The following KCNB2 variants were observed in gnomAD, a reference collection of about 807,000 sequenced individuals.
The protein encoded by KCNB2 is potassium voltage-gated channel subfamily B member 2, also known as delayed rectifier potassium channel protein.
Under a neutral mutation model 61.5 loss-of-function variants are expected in KCNB2, and 15 were observed. The observed-to-expected ratio is 0.24, with a 90% CI of 0.16 to 0.38. The LOEUF (loss-of-function observed/expected upper bound fraction) is 0.38, where lower values mean the gene tolerates loss of function less well. Ranked by LOEUF, KCNB2 falls within the 10% of genes least tolerant of loss-of-function variation. The pLI, the probability that KCNB2 is intolerant of heterozygous loss-of-function variation, is 1.00. For missense variants in KCNB2, 828 were observed against 1,125.2 expected, an observed-to-expected ratio of 0.74 and a Z score of 3.78; for synonymous variants, 457 against 446.0, an observed-to-expected ratio of 1.02 and a Z score of -0.31.
intron 2 of KCNB2, among the ~76,000 whole-genome samples, chr8:72,900,845 C>T (rs1293645772): frequency 1.3e-5 from 2 of 151,794 alleles, no homozygotes; most frequent in African/African-American, 4.8e-5. Flanking sequence ...AAATATTAAC[C>T]AATATTAGGA....
chr8:72,577,912 A>C (rs1806823601), intron 2 of KCNB2, among the ~76,000 whole-genome samples: 1 of 152,214 alleles, frequency 6.6e-6, no homozygotes, highest in Non-Finnish European at 1.5e-5. Flanking sequence ...ACTGAAGGGC[A>C]GTTGTCCTAT....
chr8:72,600,376 A>G (rs1807276683), intron 2 of KCNB2, among the ~76,000 whole-genome samples: 1 of 152,190 alleles, frequency 6.6e-6, no homozygotes, highest in Non-Finnish European at 1.5e-5. Flanking sequence ...TCTCACTCAT[A>G]GGTGGGAATT....
At chr8:72,589,643 A>G (rs1807061910) in intron 2 of KCNB2, among the ~76,000 whole-genome samples, 1 of 152,232 alleles carries the variant, frequency 6.6e-6, no homozygotes, top group Non-Finnish European at 1.5e-5. Context: ...AATTCTGTTG[A>G]CATATTTTTA....
Position 72,732,853 on chromosome 8 carries a change from C to T in KCNB2, c.579+164540C>T, listed in dbSNP as rs1380539861. 2.6e-5 allele frequency among the ~76,000 whole-genome samples: 4 copies of T among 152,158 alleles called. No homozygotes were observed. In the South Asian group the frequency reaches 6.2e-4, roughly 24 times the overall value. On this transcript the variant is annotated intron_variant, in intron 2 of 2. Transcript: ENST00000523207. ...ATGGTACTCCATGAGATGTCCCTGT[C>T]ATAAAGTATATCATCCTGCACTATC...
intron 2 of KCNB2, among the ~76,000 whole-genome samples, chr8:72,742,199 C>G (rs191032459): frequency 1.3e-5 from 2 of 152,272 alleles, no homozygotes; most frequent in Non-Finnish European, 2.9e-5. Context: ...TTAGATTTTG[C>G]CATAGTTTAA....
At chr8:72,593,117 G>T (rs933146788) in intron 2 of KCNB2, among the ~76,000 whole-genome samples, 5 of 152,170 alleles carry the variant, frequency 3.3e-5, no homozygotes, top group African/African-American at 1.2e-4. Context: ...ATGCCTGATA[G>T]TCAGTGGTTG....
chr8:72,740,759 A>T (rs539326275), intron 2 of KCNB2, among the ~76,000 whole-genome samples: 1 of 152,320 alleles, frequency 6.6e-6, no homozygotes, highest in East Asian at 1.9e-4. Flanking sequence ...CTTTCTTCTC[A>T]CAAGATCTTA....
chr8:72,784,212 T>C (rs1466093630), intron 2 of KCNB2, among the ~76,000 whole-genome samples: 1 of 152,068 alleles, frequency 6.6e-6, no homozygotes, highest in African/African-American at 2.4e-5. Context: ...TTCTTCATCT[T>C]ATAACTAAAC....
chr8:72,782,344 G>A (rs1161598733), intron 2 of KCNB2, among the ~76,000 whole-genome samples: 1 of 151,986 alleles, frequency 6.6e-6, no homozygotes, highest in African/African-American at 2.4e-5. Flanking sequence ...ATCCTGAGAC[G>A]GCAGACACAT....
At chr8:72,847,646 A>G (rs924212257) in intron 2 of KCNB2, among the ~76,000 whole-genome samples, 2 of 152,240 alleles carry the variant, frequency 1.3e-5, no homozygotes, top group African/African-American at 4.8e-5. Context: ...ATCTGTTGCT[A>G]CCAACCTAGG....
chr8:72,584,230 C>T (rs1337302031), intron 2 of KCNB2, among the ~76,000 whole-genome samples: 1 of 152,054 alleles, frequency 6.6e-6, no homozygotes, highest in Non-Finnish European at 1.5e-5. Flanking sequence ...AAAAGTCAAT[C>T]AGAGACAACA....
chr8:72,925,716 A>G (rs922350286), intron 2 of KCNB2, among the ~76,000 whole-genome samples: 3 of 152,214 alleles, frequency 2.0e-5, no homozygotes, highest in African/African-American at 7.2e-5. Context: ...CAGAAATACT[A>G]TTTGATCCAG....
intron 2 of KCNB2, among the ~76,000 whole-genome samples, chr8:72,767,069 G>A (rs1410713496): frequency 2.6e-5 from 4 of 151,998 alleles, no homozygotes; most frequent in African/African-American, 9.7e-5. Context: ...GAATAGCATG[G>A]GAAAAACCAG....
rs1191078412 is a variant in KCNB2, at chr8:72,537,666, A to C, written c.-313A>C. The stretch of plus-strand genomic sequence containing the variant: ...TGAGCCTTCCTACTAGAGACCGTGA[A>C]CCAGAGTCAGGGATGTAAAGACAGG... On this transcript the variant is annotated 5_prime_UTR_variant, in exon 1 of 3. Transcript: ENST00000523207. 1 of 152,254 alleles carries C rather than the reference A, an allele frequency of 6.6e-6. No individual in the cohort carries two copies. Among genetic ancestry groups the C allele is most frequent in the African/African-American group, 2.4e-5 (1 of 41,424 alleles). The allele number at this position is 152,254 out of a possible 1,614,324, so 9.4% of individuals were successfully genotyped here.
intron 2 of KCNB2, among the ~76,000 whole-genome samples, chr8:72,696,443 C>T (rs1563562406): frequency 6.6e-6 from 1 of 152,042 alleles, no homozygotes; most frequent in Non-Finnish European, 1.5e-5. Context: ...AATATAACTC[C>T]CATTATGTAT....
At chr8:72,680,435 C>T (rs552483811) in intron 2 of KCNB2, among the ~76,000 whole-genome samples, 1 of 152,256 alleles carries the variant, frequency 6.6e-6, no homozygotes, top group East Asian at 1.9e-4. Context: ...AACAATGCAG[C>T]CAAGGTGAGG....
chr8:72,598,172 C>T (rs186432525), intron 2 of KCNB2, among the ~76,000 whole-genome samples: 114 of 151,752 alleles, frequency 7.5e-4, no homozygotes, highest in African/African-American at 2.6e-3. Flanking sequence ...GACCAATATC[C>T]TTGATGAACA....
intron 2 of KCNB2, among the ~76,000 whole-genome samples, chr8:72,794,689 CT>C (rs1410671221): frequency 6.6e-6 from 1 of 150,934 alleles, no homozygotes; most frequent in Non-Finnish European, 1.5e-5. Flanking sequence ...TGTCATTCAA[CT>C]TGCTGATTGG....
At chr8:72,596,302 G>C (rs904146783) in intron 2 of KCNB2, among the ~76,000 whole-genome samples, 1 of 152,206 alleles carries the variant, frequency 6.6e-6, no homozygotes, top group African/African-American at 2.4e-5. Flanking sequence ...GCCTCTGGCA[G>C]TAGAATGCAA....
Sources: gnomAD v4.1 joint callset for allele counts (sites outside exome capture counted in the v4.1 genomes callset) on GRCh38, gnomAD v4.1.1 for gene constraint, MANE v1.5 for transcripts, NCBI Gene and HGNC (gene_info 2026-07-23, HGNC 2026-07-21) for gene names.